Variants in DNAH11 observed in about 807,000 individuals in gnomAD.
DNAH11 encodes dynein axonemal heavy chain 11.
In DNAH11, 442 loss-of-function variants were observed where a neutral mutation model predicts 526.0. That is an observed-to-expected ratio of 0.84 (90% CI 0.78 to 0.91). DNAH11 has a LOEUF of 0.91. DNAH11 is among the 40% of genes least tolerant of loss of function. The probability of loss-of-function intolerance (pLI) is 0.00; values close to 1 mark genes in which losing one functional copy is unlikely to be tolerated. For synonymous variants in DNAH11, 2,461 were observed against 1,935.9 expected (o/e 1.27, Z -7.12); for missense variants, 6,989 against 5,448.7 (o/e 1.28, Z -8.90).
At chr7:21,876,767 GA>G (rs1235768844) in intron 74 of DNAH11, among the ~76,000 whole-genome samples, 1 of 152,196 alleles carries the variant, frequency 6.6e-6, no homozygotes, top group Non-Finnish European at 1.5e-5. Context: ...ATGACAAAAG[GA>G]AAAGGACGGT....
At chr7:21,543,635 A>G in intron 1 of DNAH11, 39 bp downstream of exon 1, 7 of 1,550,970 alleles carry the variant, frequency 4.5e-6, no homozygotes, top group Non-Finnish European at 6.1e-6. Flanking sequence ...CCATCCAACA[A>G]AACTACCCAG....
Position 21,687,104 on chromosome 7 carries a change from A to G in DNAH11, c.5627A>G (p.Tyr1876Cys), listed in dbSNP as rs747821395. Reference protein sequence around the residue: ...LVITPLTDRCYITLTQSLHLT... With the variant: ...LVITPLTDRCCITLTQSLHLT... ...GTGTTTTCTATTGCTTAAAGGTGTT[A>G]TATTACCTTAACTCAATCACTTCAT... The change falls in exon 33 of 82, where the codon TAT becomes TGT. Residue 1876 changes from tyrosine to cysteine, a missense_variant. By Grantham distance (194) the Tyr-to-Cys change is radical (BLOSUM62 -2). Transcript: ENST00000409508. 7 of 1,612,584 alleles carry G rather than the reference A, an allele frequency of 4.3e-6. No homozygotes were observed. Among genetic ancestry groups the G allele is most frequent in the Non-Finnish European group, 5.9e-6 (7 of 1,179,382 alleles).
intron 54 of DNAH11, among the ~76,000 whole-genome samples, chr7:21,763,114 C>T (rs1040278481): frequency 2.0e-4 from 31 of 151,996 alleles, no homozygotes; most frequent in African/African-American, 6.8e-4. Flanking sequence ...GATGCTGAGG[C>T]AGGTGGATCA....
intron 2 of DNAH11, among the ~76,000 whole-genome samples, chr7:21,558,315 A>G (rs1441454621): frequency 3.9e-5 from 6 of 152,186 alleles, no homozygotes; most frequent in Non-Finnish European, 5.9e-5. Context: ...TTCCCGTTTC[A>G]TGGTAGAAGG....
chr7:21,863,102 C>T (rs988050575), intron 69 of DNAH11, among the ~76,000 whole-genome samples: 1 of 150,528 alleles, frequency 6.6e-6, no homozygotes, highest in African/African-American at 2.4e-5. Context: ...AAAAAGCGTT[C>T]GTGATAAGAA....
rs75360903 is a variant in DNAH11, at chr7:21,896,261, A to G, written c.13049+1262A>G. On this transcript the variant is annotated intron_variant, in intron 79 of 81. Coordinates refer to ENST00000409508, the MANE Select transcript of DNAH11 (RefSeq NM_001277115.2). Reference sequence around the variant, plus strand: ...TTTTCTTTTTTTATCAGAGTATAAAATATAGAGCAGGGCTTGGAGGGTGGG... The same window carrying G: ...TTTTCTTTTTTTATCAGAGTATAAAGTATAGAGCAGGGCTTGGAGGGTGGG... Among the ~76,000 whole-genome samples, 297 of 152,272 alleles carry G rather than the reference A, an allele frequency of 2.0e-3. 5 individuals are homozygous for G. The East Asian group carries it at 0.039, about 20-fold the overall frequency.
intron 77 of DNAH11, 31 bp downstream of exon 77, chr7:21,892,698 A>T (rs1246235729): frequency 1.3e-6 from 2 of 1,544,804 alleles, no homozygotes; most frequent in East Asian, 2.4e-5. Flanking sequence ...TTTCTTTTTC[A>T]TTGAAGTATA....
intron 25 of DNAH11, among the ~76,000 whole-genome samples, chr7:21,629,070 T>C (rs1041102688): frequency 6.6e-6 from 1 of 152,122 alleles, no homozygotes; most frequent in African/African-American, 2.4e-5. Flanking sequence ...ATTACTGGCT[T>C]TTACTGTATC....
intron 43 of DNAH11, among the ~76,000 whole-genome samples, chr7:21,718,827 T>A (rs573402930): frequency 1.3e-5 from 2 of 152,312 alleles, no homozygotes; most frequent in East Asian, 3.9e-4. Flanking sequence ...TTAGAAATAG[T>A]CACAAGCATA....
At chr7:21,724,800 G>GAGTCACTGGGCCAGGTCATCCTATGA (rs1583630162) in intron 44 of DNAH11, among the ~76,000 whole-genome samples, 45 of 76,310 alleles carry the variant, frequency 5.9e-4, no homozygotes, top group African/African-American at 6.8e-4. Context: ...TCATCCTGTG[G>GAGTCACTGGGCCAGGTCATCCTATGA]ATGCATAGAG....
At chr7:21,856,793 AAACC>A (rs1782867381) in intron 68 of DNAH11, among the ~76,000 whole-genome samples, 1 of 152,168 alleles carries the variant, frequency 6.6e-6, no homozygotes, top group South Asian at 2.1e-4. Flanking sequence ...GTTAAAAAAA[AAACC>A]AACCAACTCT....
intron 35 of DNAH11, among the ~76,000 whole-genome samples, chr7:21,696,312 C>T (rs1464104420): frequency 6.6e-6 from 1 of 152,016 alleles, no homozygotes; most frequent in Non-Finnish European, 1.5e-5. Context: ...TAAATTTAAT[C>T]TGATGAGAAC....
intron 26 of DNAH11, among the ~76,000 whole-genome samples, chr7:21,636,955 A>T (rs985640936): frequency 1.3e-5 from 2 of 152,174 alleles, no homozygotes; most frequent in African/African-American, 2.4e-5. Flanking sequence ...AGCACGTGGC[A>T]TGGTGCATGT....
In DNAH11 at chr7:21,674,392, G is replaced by A. The variant is rs148286602; in HGVS notation, c.5329-7154G>A. On this transcript the variant is annotated intron_variant, in intron 30 of 81. Transcript: ENST00000409508. Reference sequence around the variant, plus strand: ...TTTGTTTTGTTTGAAACAGGGTCTCGCTCTGTCACCCAGGCTGGAGTGCAG... The same window carrying A: ...TTTGTTTTGTTTGAAACAGGGTCTCACTCTGTCACCCAGGCTGGAGTGCAG... Among the ~76,000 whole-genome samples the A allele has an allele frequency of 6.6e-3, 1,000 of 151,398 alleles. 9 individuals are homozygous for A. Among genetic ancestry groups the A allele is most frequent in the African/African-American group, 0.023 (946 of 41,258 alleles).
chr7:21,705,415 A>G (rs1299404271), intron 38 of DNAH11, 45 bp from the exon 39 acceptor site: 5 of 1,603,956 alleles, frequency 3.1e-6, no homozygotes, highest in Non-Finnish European at 4.3e-6. Context: ...TCTTTTTGTC[A>G]CCAACTCCTT....
intron 25 of DNAH11, among the ~76,000 whole-genome samples, chr7:21,627,421 T>G (rs968770102): frequency 6.6e-6 from 1 of 152,192 alleles, no homozygotes; most frequent in African/African-American, 2.4e-5. Flanking sequence ...GGTCTTAGAT[T>G]CAACTCTTAA....
chr7:21,598,586 A>T (rs1784952612), intron 14 of DNAH11, among the ~76,000 whole-genome samples: 1 of 148,736 alleles, frequency 6.7e-6, no homozygotes, highest in African/African-American at 2.5e-5. Context: ...ATGGTATGCA[A>T]AAATAAATAA....
chr7:21,787,200 G>A (rs931852534), intron 59 of DNAH11, among the ~76,000 whole-genome samples: 11 of 152,112 alleles, frequency 7.2e-5, no homozygotes, highest in African/African-American at 2.7e-4. Flanking sequence ...TTTTACCCTG[G>A]GATAGAAGAG....
At chr7:21,842,067 T>G (rs759287368) in intron 65 of DNAH11, among the ~76,000 whole-genome samples, 1 of 152,214 alleles carries the variant, frequency 6.6e-6, no homozygotes, top group Non-Finnish European at 1.5e-5. Flanking sequence ...TAGAGGTGTT[T>G]GAGGCCTTTA....
Sources: gnomAD v4.1 joint callset for allele counts (sites outside exome capture counted in the v4.1 genomes callset) on GRCh38, gnomAD v4.1.1 for gene constraint, MANE v1.5 for transcripts, NCBI Gene and HGNC (gene_info 2026-07-23, HGNC 2026-07-21) for gene names.